The following POPDC1 variants were observed in gnomAD, a reference collection of about 807,000 sequenced individuals.
POPDC1 encodes popeye domain-containing protein 1.
chr6:105,105,926 T>C, the POPDC1 span, among the ~76,000 whole-genome samples: 1 of 152,224 alleles, frequency 6.6e-6, no homozygotes, highest in African/African-American at 2.4e-5. Flanking sequence ...TGCTTTACTT[T>C]TCATTTATTG....
At chr6:105,121,265 T>C in the POPDC1 span, among the ~76,000 whole-genome samples, 1 of 151,086 alleles carries the variant, frequency 6.6e-6, no homozygotes, top group East Asian at 1.9e-4. Flanking sequence ...ACACTACTTT[T>C]ATCTTTTTTT....
the POPDC1 span, among the ~76,000 whole-genome samples, chr6:105,113,223 T>C: frequency 0.044 from 6,628 of 152,146 alleles, 468 homozygotes; most frequent in African/African-American, 0.15. Flanking sequence ...TGAGGCACTG[T>C]GCCTGGCCAA....
At chr6:105,118,219 G>T in the POPDC1 span, among the ~76,000 whole-genome samples, 1 of 152,132 alleles carries the variant, frequency 6.6e-6, no homozygotes, top group Non-Finnish European at 1.5e-5. Context: ...ACATTTCAGA[G>T]GACAAGGGGA....
the POPDC1 span, among the ~76,000 whole-genome samples, chr6:105,113,881 G>A: frequency 6.8e-6 from 1 of 148,044 alleles, no homozygotes; most frequent in Non-Finnish European, 1.5e-5. Flanking sequence ...GCAGTGATCT[G>A]TAATTGTACC....
At chr6:105,119,978 G>GTTGGAAGCCAGTA in the POPDC1 span, among the ~76,000 whole-genome samples, 1 of 64,390 alleles carries the variant, frequency 1.6e-5, no homozygotes, top group African/African-American at 4.8e-5. Context: ...CATGGATTTG[G>GTTGGAAGCCAGTA]GCCGGGCGCG....
the POPDC1 span, among the ~76,000 whole-genome samples, chr6:105,101,813 A>G: frequency 6.6e-6 from 1 of 152,102 alleles, no homozygotes; most frequent in Non-Finnish European, 1.5e-5. Context: ...AGAAAAGGCA[A>G]CCCCAGGGCC....
At chr6:105,120,965 ATTGT>A in the POPDC1 span, among the ~76,000 whole-genome samples, 3 of 152,346 alleles carry the variant, frequency 2.0e-5, no homozygotes, top group East Asian at 5.8e-4. Context: ...GGCAGAGGAA[ATTGT>A]TTCACAGCTC....
At chr6:105,129,064 G>A in the POPDC1 span, among the ~76,000 whole-genome samples, 1 of 152,032 alleles carries the variant, frequency 6.6e-6, no homozygotes, top group African/African-American at 2.4e-5. Flanking sequence ...TTTTATAACT[G>A]GGCAATGATA....
At chr6:105,121,271 T>G in the POPDC1 span, among the ~76,000 whole-genome samples, 80 of 148,062 alleles carry the variant, frequency 5.4e-4, 3 homozygotes, top group Admixed American at 4.5e-3. Flanking sequence ...CTTTTATCTT[T>G]TTTTTTTTTT....
chr6:105,113,963 A>C, the POPDC1 span, among the ~76,000 whole-genome samples: 1 of 152,006 alleles, frequency 6.6e-6, no homozygotes, highest in East Asian at 1.9e-4. Context: ...CACAAAAAAA[A>C]CAAAAACAAA....
the POPDC1 span, among the ~76,000 whole-genome samples, chr6:105,113,680 T>G: frequency 2.0e-5 from 3 of 152,242 alleles, no homozygotes; most frequent in African/African-American, 7.2e-5. Flanking sequence ...GAGCTTTAGT[T>G]AATACCTTCA....
the POPDC1 span, among the ~76,000 whole-genome samples, chr6:105,127,141 G>A: frequency 6.6e-6 from 1 of 152,148 alleles, no homozygotes; most frequent in African/African-American, 2.4e-5. Flanking sequence ...TCCAACCAAT[G>A]TCACTATAGC....
the POPDC1 span, among the ~76,000 whole-genome samples, chr6:105,127,189 G>A: frequency 7.9e-5 from 12 of 152,132 alleles, 1 homozygote; most frequent in Admixed American, 2.6e-4. Flanking sequence ...GTTTCATTTT[G>A]AGGAAAATCC....
chr6:105,110,546 T>C, the POPDC1 span, among the ~76,000 whole-genome samples: 2 of 152,226 alleles, frequency 1.3e-5, no homozygotes, highest in African/African-American at 4.8e-5. Flanking sequence ...TTTTTGCGTC[T>C]TTCCAGGTAA....
At chr6:105,132,994 T>C in the POPDC1 span, among the ~76,000 whole-genome samples, 1 of 152,188 alleles carries the variant, frequency 6.6e-6, no homozygotes, top group East Asian at 1.9e-4. Context: ...ATGAGGAAAC[T>C]GAGGCAGTAG....
chr6:105,113,957 A>C, the POPDC1 span, among the ~76,000 whole-genome samples: 7,602 of 151,796 alleles, frequency 0.05, 632 homozygotes, highest in African/African-American at 0.17. Flanking sequence ...CACACACACA[A>C]AAAAAACAAA....
the POPDC1 span, among the ~76,000 whole-genome samples, chr6:105,109,444 T>A: frequency 6.6e-6 from 1 of 151,780 alleles, no homozygotes; most frequent in South Asian, 2.1e-4. Context: ...GGTTACTAAG[T>A]CCCCCTAGAG....
the POPDC1 span, among the ~76,000 whole-genome samples, chr6:105,120,601 T>C: frequency 6.6e-6 from 1 of 152,240 alleles, no homozygotes; most frequent in Non-Finnish European, 1.5e-5. Flanking sequence ...AGGACATCTT[T>C]CAGGTCGAGA....
chr6:105,120,829 T>C, the POPDC1 span, among the ~76,000 whole-genome samples: 1 of 152,154 alleles, frequency 6.6e-6, no homozygotes, highest in African/African-American at 2.4e-5. Context: ...AAGGAAATAA[T>C]TTAATACTTT....
Sources: allele counts gnomAD v4.1 joint callset (sites outside exome capture counted in the v4.1 genomes callset), GRCh38; gene constraint gnomAD v4.1.1; transcripts MANE v1.5; gene names NCBI Gene and HGNC (gene_info 2026-07-23, HGNC 2026-07-21).